Variants in CCDC178 observed in about 807,000 individuals in gnomAD.
The protein encoded by CCDC178 is coiled-coil domain-containing protein 178.
A neutral mutation model predicts 117.4 loss-of-function variants in CCDC178; 126 were observed. That is an observed-to-expected ratio of 1.07 (90% CI 0.93 to 1.24). The LOEUF (loss-of-function observed/expected upper bound fraction) is 1.24. CCDC178 is among the 50% of genes most tolerant of loss of function. The pLI, the probability that CCDC178 is intolerant of heterozygous loss-of-function variation, is 0.00. For missense variants in CCDC178, 1,030 were observed against 986.9 expected, an observed-to-expected ratio of 1.04 and a Z score of -0.59; for synonymous variants, 283 against 313.4, an observed-to-expected ratio of 0.90 and a Z score of 1.02.
At chr18:33,418,183 G>T (rs993366685) in intron 2 of CCDC178, among the ~76,000 whole-genome samples, 5 of 152,138 alleles carry the variant, frequency 3.3e-5, no homozygotes, top group African/African-American at 9.7e-5. Context: ...TGCAAGGCTG[G>T]TTCAACATAC....
intron 20 of CCDC178, among the ~76,000 whole-genome samples, chr18:33,128,197 C>T (rs1313198501): frequency 6.6e-6 from 1 of 152,134 alleles, no homozygotes; most frequent in Non-Finnish European, 1.5e-5. Context: ...ACACAAACAA[C>T]ATCTCTACAC....
intron 15 of CCDC178, among the ~76,000 whole-genome samples, chr18:33,228,603 T>G (rs1458285673): frequency 6.6e-6 from 1 of 152,248 alleles, no homozygotes; most frequent in Non-Finnish European, 1.5e-5. Flanking sequence ...GTACACTGCA[T>G]GGGCAAAACA....
At chr18:33,090,936 T>C (rs1037800921) in intron 21 of CCDC178, among the ~76,000 whole-genome samples, 13 of 152,194 alleles carry the variant, frequency 8.5e-5, no homozygotes, top group African/African-American at 2.7e-4. Flanking sequence ...TTGCTCTTAC[T>C]ATGAAAATGT....
intron 15 of CCDC178, among the ~76,000 whole-genome samples, chr18:33,233,111 T>C (rs1249896381): frequency 6.6e-6 from 1 of 152,186 alleles, no homozygotes; most frequent in Non-Finnish European, 1.5e-5. Context: ...TGAACCATGT[T>C]TTCAGTGGCT....
intron 21 of CCDC178, among the ~76,000 whole-genome samples, chr18:33,030,862 G>T (rs1474627287): frequency 6.6e-6 from 1 of 152,142 alleles, no homozygotes; most frequent in Non-Finnish European, 1.5e-5. Context: ...CAGAAGCTGA[G>T]AATTCCAATA....
chr18:33,384,711 A>G (rs1048114749), intron 5 of CCDC178, among the ~76,000 whole-genome samples: 1 of 152,224 alleles, frequency 6.6e-6, no homozygotes, highest in African/African-American at 2.4e-5. Context: ...CTTCTGAAGG[A>G]AACACTAAAC....
chr18:33,179,966 G>A (rs768906911), intron 20 of CCDC178, among the ~76,000 whole-genome samples: 4 of 151,538 alleles, frequency 2.6e-5, no homozygotes, highest in South Asian at 2.1e-4. Context: ...AATATATTAC[G>A]CTGCAAATAT....
At chr18:32,952,039 G>A (rs541798654) in intron 22 of CCDC178, among the ~76,000 whole-genome samples, 32 of 126,742 alleles carry the variant, frequency 2.5e-4, no homozygotes, top group Admixed American at 1.8e-3. Context: ...GGGCAGCTCC[G>A]CCCCTGTGGC....
At chr18:33,431,016 AGTGAGCC>A (rs1339740376) in intron 2 of CCDC178, among the ~76,000 whole-genome samples, 1 of 149,666 alleles carries the variant, frequency 6.7e-6, no homozygotes, top group Non-Finnish European at 1.5e-5. Context: ...CGGAGCTTGC[AGTGAGCC>A]GAGATCGCGC....
At chr18:33,188,786 A>G (rs2058824812) in intron 20 of CCDC178, among the ~76,000 whole-genome samples, 1 of 152,192 alleles carries the variant, frequency 6.6e-6, no homozygotes, top group Admixed American at 6.5e-5. Flanking sequence ...TCAGACTTCT[A>G]CAGATAGAAC....
chr18:33,276,931 C>G (rs1276235871), intron 12 of CCDC178, among the ~76,000 whole-genome samples: 1 of 152,038 alleles, frequency 6.6e-6, no homozygotes, highest in African/African-American at 2.4e-5. Flanking sequence ...TAAAAAACTA[C>G]TCAATACATT....
intron 21 of CCDC178, among the ~76,000 whole-genome samples, chr18:33,053,091 T>G (rs1211479289): frequency 6.6e-6 from 1 of 152,210 alleles, no homozygotes; most frequent in African/African-American, 2.4e-5. Flanking sequence ...ACCACATAGA[T>G]GCTCTACAAA....
chr18:33,086,465 A>AAGAG (rs941094324), intron 21 of CCDC178, among the ~76,000 whole-genome samples: 3 of 148,070 alleles, frequency 2.0e-5, no homozygotes, highest in Admixed American at 6.8e-5. Context: ...TATAGCGAGA[A>AAGAG]AGAGAGAGAG....
chr18:33,313,792 G>C (rs1287595639), intron 11 of CCDC178, among the ~76,000 whole-genome samples: 1 of 152,122 alleles, frequency 6.6e-6, no homozygotes. Flanking sequence ...AGATGCCCAG[G>C]GGAAGATTGC....
chr18:33,285,430 A>G (rs2060087205), intron 12 of CCDC178, among the ~76,000 whole-genome samples: 1 of 152,166 alleles, frequency 6.6e-6, no homozygotes, highest in Non-Finnish European at 1.5e-5. Context: ...TGTATTAATT[A>G]TTTAGGTAAT....
intron 11 of CCDC178, among the ~76,000 whole-genome samples, chr18:33,316,258 C>T (rs2062414469): frequency 6.6e-6 from 1 of 152,186 alleles, no homozygotes. Flanking sequence ...CGGGGCTGCG[C>T]GCGGTGCTTG....
chr18:33,376,172 C>T (rs1015386049), intron 5 of CCDC178, among the ~76,000 whole-genome samples: 2 of 152,048 alleles, frequency 1.3e-5, no homozygotes, highest in Non-Finnish European at 2.9e-5. Context: ...TAGGAGACTG[C>T]CTTTCTCTGG....
intron 6 of CCDC178, among the ~76,000 whole-genome samples, chr18:33,368,016 A>C (rs1444496862): frequency 2.6e-5 from 4 of 151,996 alleles, no homozygotes; most frequent in African/African-American, 7.2e-5. Context: ...GTATCAACTA[A>C]TATTCTCCTA....
chr18:33,292,764 T>A (rs949343200), intron 12 of CCDC178, among the ~76,000 whole-genome samples: 24 of 152,192 alleles, frequency 1.6e-4, no homozygotes, highest in Middle Eastern at 3.4e-3. Context: ...GTTTTTGTTT[T>A]AATTGACACA....
Sources: allele counts gnomAD v4.1 joint callset (sites outside exome capture counted in the v4.1 genomes callset), GRCh38; gene constraint gnomAD v4.1.1; transcripts MANE v1.5; gene names NCBI Gene and HGNC (gene_info 2026-07-23, HGNC 2026-07-21).